Variants in KLF8 observed in about 807,000 individuals in gnomAD.
KLF8 encodes the protein KLF transcription factor 8, also known as Krueppel-like factor 8.
KLF8 carries 10 observed loss-of-function variants against 18.2 expected under a neutral mutation model. The observed-to-expected ratio is 0.55, with a 90% CI of 0.34 to 0.93. The LOEUF is 0.93. KLF8 is among the 40% of genes least tolerant of loss of function. The probability of loss-of-function intolerance (pLI) is 0.02; values close to 1 mark genes in which losing one functional copy is unlikely to be tolerated. For synonymous variants in KLF8, 109 were observed against 97.3 expected, an observed-to-expected ratio of 1.12 and a Z score of -0.71; for missense variants, 264 against 277.9, an observed-to-expected ratio of 0.95 and a Z score of 0.36.
chrX:55,987,727 G>T, the KLF8 span, among the ~76,000 whole-genome samples: 1 of 111,979 alleles, frequency 8.9e-6, no homozygotes, highest in African/African-American at 3.2e-5. Flanking sequence ...GTAATGGGAT[G>T]GCTGGGTCAA....
At chrX:56,190,144 T>C in the KLF8 span, among the ~76,000 whole-genome samples, 1 of 111,435 alleles carries the variant, frequency 9.0e-6, no homozygotes, top group South Asian at 3.8e-4. Context: ...AAAATTATAT[T>C]GCATGCCATT....
At chrX:56,246,415 C>G (rs1029164174) in intron 1 of KLF8, among the ~76,000 whole-genome samples, 1 of 112,123 alleles carries the variant, frequency 8.9e-6, no homozygotes, top group Non-Finnish European at 1.9e-5. Context: ...GACAGTTCCT[C>G]TTTGTGCCAG....
upstream of KLF8, among the ~76,000 whole-genome samples, chrX:56,231,657 C>G (rs970462122): frequency 1.8e-5 from 2 of 111,528 alleles, no homozygotes; most frequent in African/African-American, 6.5e-5. Flanking sequence ...TTAAAATGAG[C>G]TAGAGAGAGA....
chrX:56,217,201 G>A, the KLF8 span, among the ~76,000 whole-genome samples: 11 of 110,973 alleles, frequency 9.9e-5, no homozygotes, highest in African/African-American at 3.6e-4. Context: ...TTCCTATCTT[G>A]GAGGCATACT....
chrX:56,109,605 G>T, the KLF8 span, among the ~76,000 whole-genome samples: 1 of 110,288 alleles, frequency 9.1e-6, no homozygotes, highest in South Asian at 3.8e-4. Flanking sequence ...AACTATTATT[G>T]TAAATTGTCT....
chrX:56,042,339 T>C, the KLF8 span, among the ~76,000 whole-genome samples: 2 of 111,801 alleles, frequency 1.8e-5, no homozygotes, highest in African/African-American at 6.5e-5. Context: ...ATGAGAAGAA[T>C]GTATATTCTG....
At chrX:56,251,353 T>C (rs1297776093) in intron 2 of KLF8, among the ~76,000 whole-genome samples, 1 of 112,879 alleles carries the variant, frequency 8.9e-6, no homozygotes, top group Non-Finnish European at 1.9e-5. Context: ...TATACAATAC[T>C]TGTCTGTTTC....
intron 1 of KLF8, among the ~76,000 whole-genome samples, chrX:56,243,876 G>C (rs1435623669): frequency 1.8e-5 from 2 of 111,444 alleles, no homozygotes; most frequent in African/African-American, 6.5e-5. Flanking sequence ...TGCCTGCTGA[G>C]GTGCTACAAC....
the KLF8 span, among the ~76,000 whole-genome samples, chrX:56,130,231 G>A: frequency 9.0e-6 from 1 of 111,162 alleles, no homozygotes; most frequent in African/African-American, 3.3e-5. Context: ...AAGCAACTGC[G>A]ACTAAGGGCA....
At chrX:56,185,739 A>G in the KLF8 span, among the ~76,000 whole-genome samples, 10 of 112,012 alleles carry the variant, frequency 8.9e-5, no homozygotes, top group African/African-American at 3.2e-4. Flanking sequence ...TAAAGAAAAG[A>G]ATTTTCAACC....
the KLF8 span, among the ~76,000 whole-genome samples, chrX:56,187,699 G>A: frequency 1.8e-5 from 2 of 110,382 alleles, no homozygotes; most frequent in Non-Finnish European, 3.8e-5. Context: ...TTCATCCCTG[G>A]GATGCAAGGC....
the KLF8 span, among the ~76,000 whole-genome samples, chrX:56,072,244 C>T: frequency 1.8e-5 from 2 of 111,585 alleles, no homozygotes; most frequent in East Asian, 5.6e-4. Context: ...ATGAATTTTC[C>T]AATTTGGAAA....
the KLF8 span, among the ~76,000 whole-genome samples, chrX:55,960,791 TAAC>T: frequency 8.9e-6 from 1 of 112,025 alleles, no homozygotes; most frequent in African/African-American, 3.3e-5. Flanking sequence ...CAAGTCTACA[TAAC>T]AACCAACTAA....
At chrX:56,067,131 G>A in the KLF8 span, among the ~76,000 whole-genome samples, 1 of 106,798 alleles carries the variant, frequency 9.4e-6, no homozygotes, top group Admixed American at 9.8e-5. Flanking sequence ...AGATGATACT[G>A]TCTACTCACT....
At chrX:55,910,286 CTG>C in the KLF8 span, among the ~76,000 whole-genome samples, 1 of 111,827 alleles carries the variant, frequency 8.9e-6, no homozygotes, top group East Asian at 2.8e-4. Flanking sequence ...ACACAAGACT[CTG>C]GGGAAAATAT....
chrX:56,195,088 CA>C, the KLF8 span, among the ~76,000 whole-genome samples: 7 of 111,954 alleles, frequency 6.3e-5, no homozygotes, highest in African/African-American at 2.3e-4. Flanking sequence ...TCACCAACAT[CA>C]AAGACTAAAG....
At chrX:56,089,250 C>T in the KLF8 span, among the ~76,000 whole-genome samples, 1 of 111,440 alleles carries the variant, frequency 9.0e-6, no homozygotes, top group African/African-American at 3.3e-5. Flanking sequence ...GAAAGAAAGG[C>T]AAAGTAATTA....
the KLF8 span, among the ~76,000 whole-genome samples, chrX:56,137,362 C>G: frequency 9.5e-6 from 1 of 105,814 alleles, no homozygotes; most frequent in Non-Finnish European, 1.9e-5. Context: ...ACCCAAATGT[C>G]CAACAATGAT....
the KLF8 span, among the ~76,000 whole-genome samples, chrX:56,088,533 A>G: frequency 1.8e-5 from 2 of 111,724 alleles, no homozygotes; most frequent in Admixed American, 9.5e-5. Flanking sequence ...ATAAGGCAGT[A>G]TATCTTTCAA....
Sources: allele counts gnomAD v4.1 joint callset (sites outside exome capture counted in the v4.1 genomes callset), GRCh38; gene constraint gnomAD v4.1.1; transcripts MANE v1.5; gene names NCBI Gene and HGNC (gene_info 2026-07-23, HGNC 2026-07-21).